The following SYNJ1 variants were observed in gnomAD, a reference collection of about 807,000 sequenced individuals.
SYNJ1 encodes polyphosphatidylinositol phosphatase SYNJ1.
SYNJ1 carries 78 observed loss-of-function variants against 168.2 expected under a neutral mutation model. That is an observed-to-expected ratio of 0.46 (90% CI 0.39 to 0.56). SYNJ1 has a LOEUF of 0.56. Among genes scored for constraint, SYNJ1 ranks in the 20% least tolerant of loss-of-function variants. The pLI, the probability that SYNJ1 is intolerant of heterozygous loss-of-function variation, is 0.00. For missense variants in SYNJ1, 1,303 were observed against 1,597.6 expected (o/e 0.82, Z 3.14); for synonymous variants, 539 against 548.6 (o/e 0.98, Z 0.24).
At chr21:32,637,752 T>A (rs1470833246) in intron 31 of SYNJ1, among the ~76,000 whole-genome samples, 1 of 152,214 alleles carries the variant, frequency 6.6e-6, no homozygotes, top group Non-Finnish European at 1.5e-5. Context: ...AAATATAGAA[T>A]TCTTTTTGGT....
At chr21:32,727,377 G>C (rs569572701) in intron 1 of SYNJ1, among the ~76,000 whole-genome samples, 1 of 152,212 alleles carries the variant, frequency 6.6e-6, no homozygotes, top group Admixed American at 6.5e-5. Flanking sequence ...AGCTCCTTAG[G>C]GGGCAGGAGA....
chr21:32,664,601 TC>T (rs1383439807), intron 18 of SYNJ1, among the ~76,000 whole-genome samples: 1 of 151,994 alleles, frequency 6.6e-6, no homozygotes, highest in Non-Finnish European at 1.5e-5. Flanking sequence ...TCACATGGAC[TC>T]CCTTAGAGCT....
intron 6 of SYNJ1, among the ~76,000 whole-genome samples, chr21:32,690,146 TA>T (rs780593667): frequency 5.9e-5 from 9 of 152,242 alleles, no homozygotes; most frequent in Non-Finnish European, 1.2e-4. Context: ...CCCCAACACA[TA>T]TATACATTCA....
intron 2 of SYNJ1, among the ~76,000 whole-genome samples, chr21:32,722,201 A>ATAT (rs1321667736): frequency 1.8e-5 from 2 of 113,842 alleles, no homozygotes; most frequent in Admixed American, 8.9e-5. Flanking sequence ...AAAAAAAAAA[A>ATAT]AAAAATATAT....
chr21:32,705,078 G>A (rs2042558924), intron 2 of SYNJ1, among the ~76,000 whole-genome samples: 1 of 151,642 alleles, frequency 6.6e-6, no homozygotes, highest in African/African-American at 2.4e-5. Flanking sequence ...GAACCTGGGA[G>A]GCGTAGGTTG....
intron 2 of SYNJ1, among the ~76,000 whole-genome samples, chr21:32,723,144 GAC>G (rs1469904586): frequency 6.6e-6 from 1 of 152,196 alleles, no homozygotes; most frequent in Admixed American, 6.5e-5. Context: ...TCGACATAAA[GAC>G]AGAGTCTTGA....
At position 32,705,608 on chromosome 21, in the gene SYNJ1, G is replaced by C. The variant is rs189669400; in HGVS notation, c.125-3561C>G. ...AGCCTATGAATTGAAAGTCTCATGA[G>C]GAATGGGCAAAACAATTATAAAGGG... On this transcript the variant is annotated intron_variant, in intron 2 of 32. Coordinates refer to ENST00000674351, the MANE Select transcript of SYNJ1 (RefSeq NM_203446.3). 3.3e-5 allele frequency among the ~76,000 whole-genome samples: 5 copies of C among 152,188 alleles called. No individual in the cohort carries two copies. In the East Asian group the frequency reaches 7.7e-4, roughly 24 times the overall value.
chr21:32,657,480 A>G (rs900901368), intron 19 of SYNJ1, among the ~76,000 whole-genome samples: 4 of 152,232 alleles, frequency 2.6e-5, no homozygotes, highest in Non-Finnish European at 4.4e-5. Context: ...AAATTTCACA[A>G]AAATATTTCC....
At chr21:32,682,384 G>C (rs1432771257) in intron 10 of SYNJ1, among the ~76,000 whole-genome samples, 1 of 152,054 alleles carries the variant, frequency 6.6e-6, no homozygotes, top group Admixed American at 6.6e-5. Flanking sequence ...TCTATGCCTT[G>C]CATTTTAACT....
intron 2 of SYNJ1, among the ~76,000 whole-genome samples, chr21:32,714,650 C>T (rs571571358): frequency 6.6e-6 from 1 of 152,244 alleles, no homozygotes; most frequent in East Asian, 1.9e-4. Flanking sequence ...ATAAGGGAGA[C>T]TGAAGGAAAG....
intron 4 of SYNJ1, among the ~76,000 whole-genome samples, chr21:32,698,327 C>G (rs974175395): frequency 4.6e-5 from 7 of 152,160 alleles, no homozygotes; most frequent in Non-Finnish European, 8.8e-5. Flanking sequence ...GTTTCTTATC[C>G]TAAGTTTGTT....
At chr21:32,640,294 G>T (rs576547029) in intron 29 of SYNJ1, among the ~76,000 whole-genome samples, 6 of 144,102 alleles carry the variant, frequency 4.2e-5, no homozygotes, top group Non-Finnish European at 7.7e-5. Context: ...CCTGAGATTT[G>T]TTTTTTTTTT....
At chr21:32,722,319 G>C (rs145730527) in intron 2 of SYNJ1, among the ~76,000 whole-genome samples, 14,822 of 151,602 alleles carry the variant, frequency 0.098, 783 homozygotes, top group African/African-American at 0.11. Flanking sequence ...GGGAGGCCAA[G>C]GCAGGTGGAT....
chr21:32,632,511 G>A (rs1467113654), intron 32 of SYNJ1, among the ~76,000 whole-genome samples: 3 of 151,704 alleles, frequency 2.0e-5, no homozygotes, highest in Non-Finnish European at 4.4e-5. Flanking sequence ...TCAGCCTCTT[G>A]AGTAGCTGGG....
chr21:32,724,171 G>T (rs1170140320), intron 2 of SYNJ1, among the ~76,000 whole-genome samples: 2 of 152,114 alleles, frequency 1.3e-5, no homozygotes, highest in Admixed American at 6.5e-5. Flanking sequence ...GAAAAACAGG[G>T]TTACACTTTG....
At chr21:32,698,625 C>T (rs560486549) in intron 4 of SYNJ1, among the ~76,000 whole-genome samples, 2 of 152,312 alleles carry the variant, frequency 1.3e-5, no homozygotes, top group South Asian at 2.1e-4. Flanking sequence ...TGGTCTGCTG[C>T]AATAGAACAA....
chr21:32,716,960 T>C (rs1038111227), intron 2 of SYNJ1, among the ~76,000 whole-genome samples: 1 of 151,888 alleles, frequency 6.6e-6, no homozygotes, highest in Non-Finnish European at 1.5e-5. Context: ...TTTGGGTCTT[T>C]CACTTTTTTT....
chr21:32,705,762 G>T (rs989830266), intron 2 of SYNJ1, among the ~76,000 whole-genome samples: 1 of 152,118 alleles, frequency 6.6e-6, no homozygotes, highest in Non-Finnish European at 1.5e-5. Flanking sequence ...GATGCAGAAG[G>T]ACCCCTTGAA....
intron 14 of SYNJ1, among the ~76,000 whole-genome samples, chr21:32,671,386 G>A (rs544132892): frequency 4.6e-5 from 7 of 151,954 alleles, no homozygotes; most frequent in African/African-American, 1.7e-4. Context: ...CTGCTATTAT[G>A]TGCAAGTCTC....
Sources: allele counts gnomAD v4.1 joint callset (sites outside exome capture counted in the v4.1 genomes callset), GRCh38; gene constraint gnomAD v4.1.1; transcripts MANE v1.5; gene names NCBI Gene and HGNC (gene_info 2026-07-23, HGNC 2026-07-21).